Variants in SLC38A9 observed in about 807,000 individuals in gnomAD.
SLC38A9 encodes the protein neutral amino acid transporter 9.
SLC38A9 carries 48 observed loss-of-function variants against 62.3 expected under a neutral mutation model. The observed-to-expected ratio is 0.77, with a 90% CI of 0.61 to 0.98. The LOEUF is 0.98. Among genes scored for constraint, SLC38A9 ranks in the 50% least tolerant of loss-of-function variants. The probability of loss-of-function intolerance (pLI) is 0.00; values close to 1 mark genes in which losing one functional copy is unlikely to be tolerated. For synonymous variants in SLC38A9, 204 were observed against 227.7 expected (o/e 0.90, Z 0.94); for missense variants, 541 against 679.8 (o/e 0.80, Z 2.27).
chr5:55,682,618 T>C (rs1283863300), intron 3 of SLC38A9, among the ~76,000 whole-genome samples: 1 of 151,814 alleles, frequency 6.6e-6, no homozygotes, highest in Non-Finnish European at 1.5e-5. Context: ...CTACAAAAAA[T>C]AGAAAAAGCA....
At chr5:55,645,979 A>G in intron 11 of SLC38A9, 84 bp from the exon 12 acceptor site, 1 of 812,062 alleles carries the variant, frequency 1.2e-6, no homozygotes. Flanking sequence ...ACTAAAAATC[A>G]GTTGTCACTG....
chr5:55,656,809 A>T, intron 8 of SLC38A9, 35 bp from the exon 9 acceptor site: 1 of 1,097,074 alleles, frequency 9.1e-7, no homozygotes, highest in Non-Finnish European at 1.3e-6. Flanking sequence ...TTTAACACTG[A>T]ATGAAAGACA....
At chr5:55,681,276 C>A (rs114089209) in intron 3 of SLC38A9, among the ~76,000 whole-genome samples, 1,611 of 152,188 alleles carry the variant, frequency 0.011, 25 homozygotes, top group African/African-American at 0.037. Flanking sequence ...AAAATGTAAA[C>A]ATTTTAATAT....
At chr5:55,665,082 G>T in intron 7 of SLC38A9, 1 of 256,988 alleles carries the variant, frequency 3.9e-6, no homozygotes, top group Non-Finnish European at 7.3e-6. Flanking sequence ...ACAGATTATA[G>T]TATCATAACA....
At chr5:55,653,522 A>T (rs747245864) in intron 9 of SLC38A9, among the ~76,000 whole-genome samples, 1 of 152,232 alleles carries the variant, frequency 6.6e-6, no homozygotes, top group East Asian at 1.9e-4. Context: ...AACAGCTGCC[A>T]TGATATCATA....
intron 10 of SLC38A9, 134 bp downstream of exon 10, chr5:55,652,395 A>G (rs1747677603): frequency 4.3e-6 from 2 of 463,948 alleles, no homozygotes; most frequent in East Asian, 6.8e-5. Flanking sequence ...AGAAAGAACA[A>G]AACAAAAACG....
chr5:55,666,704 G>A (rs1031315673), intron 7 of SLC38A9, among the ~76,000 whole-genome samples: 5 of 151,830 alleles, frequency 3.3e-5, no homozygotes, highest in Admixed American at 6.6e-5. Context: ...GACCAGCCTG[G>A]CCAACATGGC....
chr5:55,701,018 A>G (rs967849221), intron 2 of SLC38A9, among the ~76,000 whole-genome samples: 2 of 152,162 alleles, frequency 1.3e-5, no homozygotes, highest in African/African-American at 4.8e-5. Flanking sequence ...TGCCCAATAC[A>G]GTGGCCACTA....
At chr5:55,699,216 C>T (rs185640710) in intron 2 of SLC38A9, among the ~76,000 whole-genome samples, 173 of 152,266 alleles carry the variant, frequency 1.1e-3, no homozygotes, top group African/African-American at 4.1e-3. Flanking sequence ...GATCGTGCCA[C>T]TGCACTCTAG....
At chr5:55,656,252 T>C (rs1206139240) in intron 9 of SLC38A9, among the ~76,000 whole-genome samples, 1 of 151,716 alleles carries the variant, frequency 6.6e-6, no homozygotes, top group East Asian at 1.9e-4. Context: ...TTTTTCCATA[T>C]TTAGTTACTA....
chr5:55,688,029 G>C (rs1324873111), intron 3 of SLC38A9, among the ~76,000 whole-genome samples: 1 of 152,068 alleles, frequency 6.6e-6, no homozygotes, highest in Non-Finnish European at 1.5e-5. Context: ...ATTGTGAATG[G>C]GAGTTCATTC....
At chr5:55,646,664 G>A (rs576937568) in intron 11 of SLC38A9, among the ~76,000 whole-genome samples, 3 of 152,098 alleles carry the variant, frequency 2.0e-5, no homozygotes, top group Non-Finnish European at 4.4e-5. Context: ...GTTGTGCAGT[G>A]GTATATGGTA....
At chr5:55,640,179 T>A (rs940736404) in intron 12 of SLC38A9, among the ~76,000 whole-genome samples, 2 of 151,718 alleles carry the variant, frequency 1.3e-5, no homozygotes, top group Non-Finnish European at 2.9e-5. Context: ...AGAGACGGGG[T>A]TTTGCCATGT....
At chr5:55,696,969 C>T (rs1430771876) in intron 3 of SLC38A9, 5 of 153,620 alleles carry the variant, frequency 3.3e-5, no homozygotes, top group African/African-American at 1.0e-4. Context: ...CGATGGGCAG[C>T]GGGGCAGAGA....
intron 2 of SLC38A9, among the ~76,000 whole-genome samples, chr5:55,698,230 G>T (rs1756183809): frequency 6.7e-6 from 1 of 149,690 alleles, no homozygotes; most frequent in South Asian, 2.2e-4. Context: ...AACAGATTAG[G>T]CTATTCGGAC....
At chr5:55,667,235 T>TC (rs1410575539) in intron 7 of SLC38A9, among the ~76,000 whole-genome samples, 2 of 136,258 alleles carry the variant, frequency 1.5e-5, no homozygotes, top group African/African-American at 2.6e-5. Flanking sequence ...AGGGTTTTTT[T>TC]TGCTGCATTT....
At chr5:55,677,711 AT>A (rs1039098863) in intron 3 of SLC38A9, among the ~76,000 whole-genome samples, 34 of 97,608 alleles carry the variant, frequency 3.5e-4, no homozygotes, top group East Asian at 2.0e-3. Context: ...AAAAAAAAAA[AT>A]TTTTTTTTTT....
chr5:55,648,295 T>C (rs922998972), intron 11 of SLC38A9, among the ~76,000 whole-genome samples: 5 of 152,180 alleles, frequency 3.3e-5, no homozygotes, highest in African/African-American at 1.2e-4. Context: ...TTGATAGACA[T>C]TGGGCTGTTT....
chr5:55,672,828 G>T, intron 3 of SLC38A9, 133 bp from the exon 4 acceptor site: 1 of 797,772 alleles, frequency 1.3e-6, no homozygotes, highest in Non-Finnish European at 1.9e-6. Flanking sequence ...TCTCACTTTT[G>T]GTGCAAACAG....
Sources: allele counts gnomAD v4.1 joint callset (sites outside exome capture counted in the v4.1 genomes callset), GRCh38; gene constraint gnomAD v4.1.1; transcripts MANE v1.5; gene names NCBI Gene and HGNC (gene_info 2026-07-23, HGNC 2026-07-21).